Variants in DNAH7 observed in about 807,000 individuals in gnomAD.
DNAH7 encodes the protein axonemal beta dynein heavy chain 7.
A neutral mutation model predicts 444.6 loss-of-function variants in DNAH7; 397 were observed. That is an observed-to-expected ratio of 0.89 (90% CI 0.82 to 0.97). The LOEUF (loss-of-function observed/expected upper bound fraction) is 0.97, where lower values mean the gene tolerates loss of function less well. DNAH7 is among the 50% of genes least tolerant of loss of function. The probability of loss-of-function intolerance (pLI) is 0.00; values close to 1 mark genes in which losing one functional copy is unlikely to be tolerated. For synonymous variants in DNAH7, 1,636 were observed against 1,624.4 expected, an observed-to-expected ratio of 1.01 and a Z score of -0.17; for missense variants, 4,902 against 4,800.8, an observed-to-expected ratio of 1.02 and a Z score of -0.62.
At chr2:195,874,931 C>A (rs2125140524) in intron 38 of DNAH7, among the ~76,000 whole-genome samples, 1 of 152,212 alleles carries the variant, frequency 6.6e-6, no homozygotes, top group South Asian at 2.1e-4. Flanking sequence ...GGTTAGGGAG[C>A]AAATACCGGA....
chr2:196,050,171 A>G (rs1327660147), intron 3 of DNAH7, among the ~76,000 whole-genome samples: 3 of 152,250 alleles, frequency 2.0e-5, no homozygotes, highest in African/African-American at 4.8e-5. Flanking sequence ...AGCTTTTAAA[A>G]TATCTTTCAA....
At chr2:195,954,577 G>C (rs1439758721) in intron 19 of DNAH7, among the ~76,000 whole-genome samples, 2 of 152,180 alleles carry the variant, frequency 1.3e-5, no homozygotes, top group East Asian at 3.9e-4. Flanking sequence ...GGTATTTCTA[G>C]TTCTAGATCC....
At chr2:195,906,519 G>T in intron 27 of DNAH7, 140 bp downstream of exon 27, 1 of 463,906 alleles carries the variant, frequency 2.2e-6, no homozygotes, top group Non-Finnish European at 3.5e-6. Flanking sequence ...TCAAACACCT[G>T]AGTTCAAGTG....
At chr2:195,875,380 G>A (rs1481664248) in intron 38 of DNAH7, among the ~76,000 whole-genome samples, 1 of 151,892 alleles carries the variant, frequency 6.6e-6, no homozygotes, top group African/African-American at 2.4e-5. Flanking sequence ...GGAGAAAAAA[G>A]GATTTGGAAG....
rs1462957277 is a variant in DNAH7, at chr2:195,881,785, C to T, written c.5961+10G>A. ...GCACAGTTTAATACGCAGATTTCTG[C>T]AGTACTTACCGTAATGTAAACACTT... On this transcript the variant is annotated intron_variant, in intron 36 of 64. Coordinates refer to ENST00000312428, the MANE Select transcript of DNAH7 (RefSeq NM_018897.3). 2 of 1,610,638 alleles carry T rather than the reference C, an allele frequency of 1.2e-6. No homozygotes were observed. Among genetic ancestry groups the T allele is most frequent in the Admixed American group, 1.7e-5 (1 of 60,012 alleles).
At chr2:195,908,266 G>A (rs116542660) in intron 25 of DNAH7, among the ~76,000 whole-genome samples, 2,802 of 151,636 alleles carry the variant, frequency 0.018, 78 homozygotes, top group African/African-American at 0.063. Context: ...GAGTATGTGT[G>A]CAATTTTGCT....
intron 12 of DNAH7, among the ~76,000 whole-genome samples, chr2:195,992,130 T>C (rs991770550): frequency 3.9e-5 from 6 of 152,100 alleles, no homozygotes; most frequent in Admixed American, 2.6e-4. Context: ...AAGCTGAAAG[T>C]AGAGGCAGCT....
At chr2:195,976,329 G>C (rs1692183016) in intron 15 of DNAH7, among the ~76,000 whole-genome samples, 1 of 152,176 alleles carries the variant, frequency 6.6e-6, no homozygotes, top group Non-Finnish European at 1.5e-5. Flanking sequence ...GGACATAAGA[G>C]TCTCCTCTGC....
At chr2:195,927,704 T>C (rs935002992) in intron 21 of DNAH7, among the ~76,000 whole-genome samples, 2 of 151,518 alleles carry the variant, frequency 1.3e-5, no homozygotes, top group African/African-American at 2.4e-5. Flanking sequence ...AGTTCCACAA[T>C]ATTATATGTA....
intron 9 of DNAH7, among the ~76,000 whole-genome samples, chr2:196,018,343 T>A (rs568841320): frequency 6.6e-6 from 1 of 152,200 alleles, no homozygotes; most frequent in East Asian, 1.9e-4. Flanking sequence ...TATCAAACAT[T>A]TCTGGAAAAA....
At chr2:196,026,559 C>A (rs1482877150) in intron 7 of DNAH7, among the ~76,000 whole-genome samples, 4 of 151,892 alleles carry the variant, frequency 2.6e-5, no homozygotes, top group Non-Finnish European at 5.9e-5. Flanking sequence ...GGGATATATC[C>A]CTACAAATAG....
At chr2:195,876,111 C>T (rs1014608926) in intron 37 of DNAH7, among the ~76,000 whole-genome samples, 4 of 152,122 alleles carry the variant, frequency 2.6e-5, no homozygotes, top group Non-Finnish European at 5.9e-5. Flanking sequence ...ATTTGTTTCT[C>T]AATATACTGC....
In DNAH7 at chr2:195,754,442, C is replaced by T. The variant is rs376031637; in HGVS notation, c.11659G>A (p.Gly3887Ser). Residue 3887 changes from glycine (G) to serine (S), a missense_variant, in exon 63 of 65, where the codon GGT becomes AGT. Transcript: ENST00000312428. ...TTCCTGGCGTAGTTCTGCTGGGCACCGGTCAGGAAGGCTTGTGTGAAGAAG... is the reference window on the plus strand; with the variant it reads ...TTCCTGGCGTAGTTCTGCTGGGCACTGGTCAGGAAGGCTTGTGTGAAGAAG... ...GFFFTQAFLT[G>S]AQQNYARKYT... The T allele has an allele frequency of 2.4e-5, 39 of 1,613,942 alleles. No individual in the cohort carries two copies. The Admixed American group carries it at 3.2e-4, about 13-fold the overall frequency.
Position 195,960,885 on chromosome 2 carries a change from G to A in DNAH7, c.2266C>T (p.Arg756Cys), listed in dbSNP as rs534363346. ...FGWLPSVYPQ[R>C]KKIQDGLNPY... ...TTCAAGCCATCTTGGATTTTTTTAC[G>A]TTGAGGATATACAGATGGTAGCCAA... The change falls in exon 18 of 65, where the codon CGT becomes TGT. Residue 756 changes from arginine to cysteine, a missense_variant. Physicochemically the swap from Arg to Cys is radical, Grantham distance 180 (BLOSUM62 -3). Coordinates refer to ENST00000312428, the MANE Select transcript of DNAH7 (RefSeq NM_018897.3). The A allele has an allele frequency of 9.9e-6, 16 of 1,613,626 alleles. No homozygotes were observed. Among genetic ancestry groups the A allele is most frequent in the South Asian group, 4.4e-5 (4 of 90,982 alleles).
intron 8 of DNAH7, 97 bp downstream of exon 8, chr2:196,024,332 A>C: frequency 1.3e-6 from 1 of 758,734 alleles, no homozygotes; most frequent in Non-Finnish European, 2.0e-6. Flanking sequence ...TTTATATATA[A>C]ATTATAAACA....
In DNAH7 at chr2:195,858,704, G is replaced by A. The variant is rs1357799286; in HGVS notation, c.7837C>T (p.His2613Tyr). The change falls in exon 43 of 65, where the codon CAT (histidine) becomes TAT (tyrosine). Residue 2613 changes from histidine (H) to tyrosine (Y), a missense_variant. Transcript: ENST00000312428. ...ATMQMELEAL[H>Y]PQLKVASKEV... is the part of the protein sequence containing the mutation. ...TTGCTAGCAACTTTTAATTGAGGATGTAGTGCCTCCAACTCCATCTGCATT... is the reference window on the plus strand; with the variant it reads ...TTGCTAGCAACTTTTAATTGAGGATATAGTGCCTCCAACTCCATCTGCATT... 3 of 1,614,040 alleles carry A rather than the reference G, an allele frequency of 1.9e-6. No individual in the cohort carries two copies. The East Asian group carries it at 6.7e-5, about 36-fold the overall frequency.
At position 196,058,251 on chromosome 2, in the gene DNAH7, T is replaced by G. The variant is rs541902743; in HGVS notation, c.16-135A>C. On this transcript the variant is annotated intron_variant, in intron 1 of 64. Coordinates refer to ENST00000312428, the MANE Select transcript of DNAH7 (RefSeq NM_018897.3). ...TCTAAAACATACTGTACAAATGGCA[T>G]GATCTTATATACTGAAAATCTTAAA... 41 of 520,700 alleles carry G rather than the reference T, an allele frequency of 7.9e-5. No individual in the cohort carries two copies. The Admixed American group carries it at 1.0e-3, about 13-fold the overall frequency. 32.3% of individuals were successfully genotyped at this position (520,700 alleles called of 1,614,324 possible).
intron 10 of DNAH7, among the ~76,000 whole-genome samples, chr2:196,009,074 TGAACTCAGAGCAA>T (rs1694564092): frequency 6.6e-6 from 1 of 152,088 alleles, no homozygotes; most frequent in African/African-American, 2.4e-5. Flanking sequence ...AGATCTTGTG[TGAACTCAGAGCAA>T]GAACTCACTT....
intron 61 of DNAH7, among the ~76,000 whole-genome samples, chr2:195,766,981 T>C (rs1054391507): frequency 1.3e-5 from 2 of 152,168 alleles, no homozygotes; most frequent in Non-Finnish European, 2.9e-5. Flanking sequence ...TTGTCACTTC[T>C]GTTAGTCTTA....
Sources: gnomAD v4.1 joint callset for allele counts (sites outside exome capture counted in the v4.1 genomes callset) on GRCh38, gnomAD v4.1.1 for gene constraint, MANE v1.5 for transcripts, NCBI Gene and HGNC (gene_info 2026-07-23, HGNC 2026-07-21) for gene names.